The following PLCL2 variants were observed in gnomAD, a reference collection of about 807,000 sequenced individuals.
The protein encoded by PLCL2 is inactive phospholipase C-like protein 2.
In PLCL2, 4 loss-of-function variants were observed where a neutral mutation model predicts 79.6. That is an observed-to-expected ratio of 0.05 (90% CI 0.02 to 0.11). PLCL2 has a LOEUF of 0.11. Among genes scored for constraint, PLCL2 ranks in the 10% least tolerant of loss-of-function variants. PLCL2 has a pLI of 1.00. For synonymous variants in PLCL2, 484 were observed against 457.7 expected (o/e 1.06, Z -0.73); for missense variants, 895 against 1,291.0 (o/e 0.69, Z 4.70).
chr3:16,931,389 T>C (rs1387917338), intron 1 of PLCL2, among the ~76,000 whole-genome samples: 2 of 152,190 alleles, frequency 1.3e-5, no homozygotes, highest in Non-Finnish European at 2.9e-5. Flanking sequence ...GTATTTGATC[T>C]CATTTTAGTC....
chr3:16,959,329 C>G (rs1053604090), intron 1 of PLCL2, among the ~76,000 whole-genome samples: 2 of 152,146 alleles, frequency 1.3e-5, no homozygotes, highest in Non-Finnish European at 2.9e-5. Flanking sequence ...ATTTACTGAA[C>G]AACTTTCTTT....
chr3:17,011,297 G>T lies in PLCL2; in HGVS notation c.1951G>T (p.Val651Leu), dbSNP rs1300368963. ...KYWEVCSFNE[V>L]LASKYANENP... ...CTGGGAAGTCTGTTCCTTTAATGAA[G>T]TGCTTGCCAGCAAGTACGCCAATGA... The change falls in exon 2 of 6, where the codon GTG becomes TTG. Residue 651 changes from valine to leucine, a missense_variant. Val to Leu is a conservative substitution (Grantham distance 32). Coordinates refer to ENST00000615277, the MANE Select transcript of PLCL2 (RefSeq NM_001144382.2). The surrounding 1 kb of genome is among the most constrained non-coding windows in gnomAD (Gnocchi z 7.9). 6.2e-7 allele frequency: 1 copy of T among 1,614,208 alleles called. No homozygotes were observed. Among genetic ancestry groups the T allele is most frequent in the Admixed American group, 1.7e-5 (1 of 60,024 alleles).
At position 16,885,317 on chromosome 3, in the gene PLCL2, C is replaced by A. The variant is rs955995466; in HGVS notation, c.278C>A (p.Pro93His). Residue 93 changes from proline to histidine, a missense_variant, in exon 1 of 6, where the codon CCC becomes CAC. Pro to His is a moderately conservative substitution (Grantham distance 77). Around this residue, in one of 6 missense-constraint regions of PLCL2, gnomAD observed 110 missense variants for 42.9 expected, o/e 2.56. Transcript: ENST00000615277. ...PTPSAVVCTLPRESKPGGLPR... is the reference protein window; with the variant it reads ...PTPSAVVCTLHRESKPGGLPR... ...CCCAGCGCGGTCGTCTGTACCCTCCCCCGGGAGAGCAAGCCGGGCGGCCTG... is the reference window on the plus strand; with the variant it reads ...CCCAGCGCGGTCGTCTGTACCCTCCACCGGGAGAGCAAGCCGGGCGGCCTG... 4 of 666,532 alleles carry A rather than the reference C, an allele frequency of 6.0e-6. No homozygotes were observed. The highest frequency in any genetic ancestry group is 1.1e-5 in the Non-Finnish European group (4 of 368,428). 41.3% of individuals were successfully genotyped at this position (666,532 alleles called of 1,614,324 possible). A position where few individuals can be genotyped will look rare whatever the true frequency, so the allele number is the denominator to read the frequency against.
intron 1 of PLCL2, among the ~76,000 whole-genome samples, chr3:16,977,476 AATCC>A (rs1159307527): frequency 5.5e-4 from 84 of 152,252 alleles, no homozygotes; most frequent in African/African-American, 1.7e-3. Flanking sequence ...TTCCTCTTTT[AATCC>A]ATTCAGATCT....
chr3:17,061,478 T>A (rs2064953271), intron 4 of PLCL2, among the ~76,000 whole-genome samples: 1 of 152,174 alleles, frequency 6.6e-6, no homozygotes, highest in South Asian at 2.1e-4. Context: ...CATTTATTAA[T>A]TTTTATAAAA....
At chr3:16,960,126 C>T (rs1559499174) in intron 1 of PLCL2, among the ~76,000 whole-genome samples, 1 of 152,124 alleles carries the variant, frequency 6.6e-6, no homozygotes, top group Non-Finnish European at 1.5e-5. Context: ...TTCATCTTCT[C>T]CATAAAACTA....
At chr3:16,901,647 C>G (rs964407990) in intron 1 of PLCL2, among the ~76,000 whole-genome samples, 1 of 152,190 alleles carries the variant, frequency 6.6e-6, no homozygotes, top group African/African-American at 2.4e-5. Flanking sequence ...TACTCTGGAT[C>G]GCATCCTCTC....
chr3:17,047,245 GATCCCAC>G (rs1373283076), intron 4 of PLCL2, among the ~76,000 whole-genome samples: 2 of 152,236 alleles, frequency 1.3e-5, no homozygotes, highest in East Asian at 1.9e-4. Context: ...CCAAAGATGT[GATCCCAC>G]ACCCACAAGG....
intron 4 of PLCL2, among the ~76,000 whole-genome samples, chr3:17,048,505 A>T (rs1015983497): frequency 2.0e-5 from 3 of 152,220 alleles, no homozygotes; most frequent in Non-Finnish European, 4.4e-5. Flanking sequence ...CTGTTATAAA[A>T]GGTTAAAATT....
Position 16,886,725 on chromosome 3 carries a change from C to T in PLCL2, c.327+1359C>T, listed in dbSNP as rs1272358895. ...TTGCTGCATACATAGCTTTTAGTGA[C>T]TTACGTTTTCTTTTACTCTGTAGCT... is the stretch of plus-strand genomic sequence containing the variant. On this transcript the variant is annotated intron_variant, in intron 1 of 5. Coordinates refer to ENST00000615277, the MANE Select transcript of PLCL2 (RefSeq NM_001144382.2). The surrounding 1 kb of genome is among the most constrained non-coding windows in gnomAD (Gnocchi z 4.2). Among the ~76,000 whole-genome samples the T allele has an allele frequency of 6.6e-6, 1 of 152,174 alleles. No individual in the cohort carries two copies. The highest frequency in any genetic ancestry group is 1.5e-5 in the Non-Finnish European group (1 of 68,040).
intron 1 of PLCL2, among the ~76,000 whole-genome samples, chr3:16,999,150 G>C (rs1210902257): frequency 6.6e-6 from 1 of 152,008 alleles, no homozygotes; most frequent in African/African-American, 2.4e-5. Flanking sequence ...ATTAACACAA[G>C]ACTTTGAGAA....
chr3:17,023,243 C>T (rs929806723), intron 3 of PLCL2, among the ~76,000 whole-genome samples: 1 of 152,198 alleles, frequency 6.6e-6, no homozygotes, highest in South Asian at 2.1e-4. Flanking sequence ...CCTCCTGCCT[C>T]AGAGCTGCAA....
intron 3 of PLCL2, among the ~76,000 whole-genome samples, chr3:17,038,060 A>G (rs1440393206): frequency 6.6e-6 from 1 of 152,204 alleles, no homozygotes; most frequent in Non-Finnish European, 1.5e-5. Context: ...AATAAAATAT[A>G]AATTTTAATT....
rs1023820141 is a variant in PLCL2 at position 17,017,115 on chromosome 3, G to T, written c.3018+2204G>T. 1.6e-4 allele frequency among the ~76,000 whole-genome samples: 24 copies of T among 152,296 alleles called. No homozygotes were observed. In the Middle Eastern group the frequency reaches 0.01, roughly 65 times the overall value. ...CATAGCAATATTCGGCTCAGGAATG[G>T]CTCATTGCTCCTTGGTTCCCTGCCT... is the stretch of plus-strand genomic sequence containing the variant. On this transcript the variant is annotated intron_variant, in intron 3 of 5. Transcript: ENST00000615277.
intron 1 of PLCL2, among the ~76,000 whole-genome samples, chr3:16,926,864 T>G (rs1697267296): frequency 1.3e-5 from 2 of 151,998 alleles, no homozygotes; most frequent in Admixed American, 1.3e-4. Flanking sequence ...CTCCTGACCT[T>G]GTGATCCACC....
At chr3:16,952,360 C>CAAAAAAAAGAAAAAAAAAA (rs2063662288) in intron 1 of PLCL2, among the ~76,000 whole-genome samples, 1 of 22,616 alleles carries the variant, frequency 4.4e-5, no homozygotes, top group Non-Finnish European at 7.3e-5. Context: ...GAACTTAAAG[C>CAAAAAAAAGAAAAAAAAAA]AAAAAAAAAA....
intron 1 of PLCL2, among the ~76,000 whole-genome samples, chr3:16,959,274 C>T (rs1192719874): frequency 1.3e-5 from 2 of 152,114 alleles, no homozygotes; most frequent in African/African-American, 2.4e-5. Context: ...AGGTGGTCCA[C>T]GCTCCTATCT....
rs191491671 is a variant in PLCL2 at position 16,955,273 on chromosome 3, T to A, written c.328-54401T>A. 2.2e-4 allele frequency among the ~76,000 whole-genome samples: 33 copies of A among 152,358 alleles called. No individual in the cohort carries two copies. The East Asian group carries it at 6.2e-3, about 28-fold the overall frequency. On this transcript the variant is annotated intron_variant, in intron 1 of 5. Coordinates refer to ENST00000615277, the MANE Select transcript of PLCL2 (RefSeq NM_001144382.2). Reference sequence around the variant, plus strand: ...TAGCCAGTTTTCCCAGCACCATTTATTAAATAGGGAATCTTTCCTCCCATT... The same window carrying A: ...TAGCCAGTTTTCCCAGCACCATTTAATAAATAGGGAATCTTTCCTCCCATT...
At chr3:17,021,099 A>G (rs1040135120) in intron 3 of PLCL2, among the ~76,000 whole-genome samples, 3 of 152,162 alleles carry the variant, frequency 2.0e-5, no homozygotes, top group Non-Finnish European at 4.4e-5. Context: ...CAACTTTTAT[A>G]ACTGTAGAAA....
Sources: gnomAD v4.1 joint callset for allele counts (sites outside exome capture counted in the v4.1 genomes callset) on GRCh38, gnomAD v4.1.1 for gene constraint, gnomAD v4.1.1 regional missense constraint, Gnocchi (gnomAD v3.1) non-coding constraint, MANE v1.5 for transcripts, NCBI Gene and HGNC (gene_info 2026-07-23, HGNC 2026-07-21) for gene names.